The following DLGAP1 variants were observed in gnomAD, a reference collection of about 807,000 sequenced individuals.
The protein encoded by DLGAP1 is DLG associated protein 1.
DLGAP1 carries 11 observed loss-of-function variants against 90.8 expected under a neutral mutation model. That is an observed-to-expected ratio of 0.12 (90% CI 0.08 to 0.20). DLGAP1 has a LOEUF of 0.20. Among genes scored for constraint, DLGAP1 ranks in the 10% least tolerant of loss-of-function variants. DLGAP1 has a pLI of 1.00. For synonymous variants in DLGAP1, 558 were observed against 540.7 expected (o/e 1.03, Z -0.44); for missense variants, 1,050 against 1,333.8 (o/e 0.79, Z 3.31).
At chr18:3,516,141 G>C (rs987205556) in intron 10 of DLGAP1, among the ~76,000 whole-genome samples, 2 of 152,108 alleles carry the variant, frequency 1.3e-5, no homozygotes, top group African/African-American at 4.8e-5. Flanking sequence ...TGCTAATGTT[G>C]ATATTTTGAC....
At chr18:4,086,540 T>A (rs2075683374) in intron 2 of DLGAP1, among the ~76,000 whole-genome samples, 1 of 152,198 alleles carries the variant, frequency 6.6e-6, no homozygotes, top group African/African-American at 2.4e-5. Context: ...ATTTTTAAAT[T>A]CCCATTGTGA....
chr18:3,690,094 G>GTTTTTTTTTTTTTTTTTTTTTTTTTTT (rs77999372), intron 7 of DLGAP1, among the ~76,000 whole-genome samples: 1 of 116,880 alleles, frequency 8.6e-6, no homozygotes, highest in Non-Finnish European at 1.7e-5. Context: ...GCTGGGTGAG[G>GTTTTTTTTTTTTTTTTTTTTTTTTTTT]TTTTTTTTTT....
intron 7 of DLGAP1, among the ~76,000 whole-genome samples, chr18:3,640,109 T>C (rs2058884188): frequency 6.6e-6 from 1 of 152,142 alleles, no homozygotes; most frequent in Admixed American, 6.5e-5. Flanking sequence ...TTATTTTTTT[T>C]CCGTATCCCT....
intron 4 of DLGAP1, among the ~76,000 whole-genome samples, chr18:3,836,300 G>A (rs2068374488): frequency 6.6e-6 from 1 of 151,986 alleles, no homozygotes; most frequent in African/African-American, 2.4e-5. Context: ...GGATCTTACT[G>A]ATTTTATTTA....
At chr18:3,748,680 CA>C (rs2063371885) in intron 5 of DLGAP1, among the ~76,000 whole-genome samples, 1 of 152,144 alleles carries the variant, frequency 6.6e-6, no homozygotes, top group Non-Finnish European at 1.5e-5. Flanking sequence ...ACACTTTTAT[CA>C]AATCATACTC....
At position 3,600,811 on chromosome 18, in the gene DLGAP1, TATATATAG is replaced by T. The variant is rs2056905501; in HGVS notation, c.1592-18571_1592-18564del. Among the ~76,000 whole-genome samples the T allele has an allele frequency of 6.4e-5, 6 of 93,254 alleles. 1 individual carries two copies. Among genetic ancestry groups the T allele is most frequent in the East Asian group, 2.5e-4 (1 of 3,996 alleles). 61.2% of individuals were successfully genotyped at this position (93,254 alleles called of 152,430 possible). A position where few individuals can be genotyped will look rare whatever the true frequency, so the allele number is the denominator to read the frequency against. Reference sequence around the variant, plus strand: ...ATATATAGATATATAGATATATAGATATATATAGATATATAGATATATATAGATATATA... The same window carrying T: ...ATATATAGATATATAGATATATAGATATATATAGATATATATAGATATATA... On this transcript the variant is annotated intron_variant, in intron 7 of 12. Transcript: ENST00000315677.
intron 1 of DLGAP1, among the ~76,000 whole-genome samples, chr18:4,289,622 C>A (rs2079796009): frequency 6.6e-6 from 1 of 152,094 alleles, no homozygotes; most frequent in Non-Finnish European, 1.5e-5. Flanking sequence ...GAGGTATTTC[C>A]TTCAACAGAT....
chr18:3,965,217 T>G (rs1599232636), intron 3 of DLGAP1, among the ~76,000 whole-genome samples: 1 of 152,276 alleles, frequency 6.6e-6, no homozygotes, highest in East Asian at 1.9e-4. Flanking sequence ...ACTGTCAAAA[T>G]GTCAATATGG....
chr18:3,573,395 G>A (rs1197694662), intron 8 of DLGAP1, among the ~76,000 whole-genome samples: 2 of 152,030 alleles, frequency 1.3e-5, no homozygotes, highest in African/African-American at 4.8e-5. Flanking sequence ...CCAGCTACTC[G>A]GGAGACTGAG....
intron 1 of DLGAP1, among the ~76,000 whole-genome samples, chr18:4,331,991 G>A (rs1216066913): frequency 2.6e-5 from 4 of 151,780 alleles, no homozygotes; most frequent in Admixed American, 6.6e-5. Context: ...ACAATTCAAT[G>A]GGGAAGACAG....
At chr18:3,682,124 A>T (rs1250647824) in intron 7 of DLGAP1, among the ~76,000 whole-genome samples, 2 of 117,124 alleles carry the variant, frequency 1.7e-5, no homozygotes, top group Admixed American at 7.6e-5. Context: ...CTCAAAAAAA[A>T]AAAAAATAAA....
chr18:4,092,105 T>C (rs1406369361), intron 2 of DLGAP1, among the ~76,000 whole-genome samples: 1 of 152,164 alleles, frequency 6.6e-6, no homozygotes, highest in Non-Finnish European at 1.5e-5. Context: ...CTCAGTATAT[T>C]ACTAGCTTCA....
chr18:4,433,164 T>C (rs1403164934), intron 1 of DLGAP1, among the ~76,000 whole-genome samples: 1 of 152,220 alleles, frequency 6.6e-6, no homozygotes, highest in Non-Finnish European at 1.5e-5. Flanking sequence ...GACTGAATAC[T>C]AGAAGCCTAT....
chr18:3,726,079 C>T (rs1169606369), intron 7 of DLGAP1, among the ~76,000 whole-genome samples: 1 of 152,052 alleles, frequency 6.6e-6, no homozygotes, highest in Non-Finnish European at 1.5e-5. Context: ...GTGCAGTTGA[C>T]AAAATGAGGA....
At chr18:3,799,183 A>G (rs2066164689) in intron 5 of DLGAP1, among the ~76,000 whole-genome samples, 1 of 152,184 alleles carries the variant, frequency 6.6e-6, no homozygotes, top group Non-Finnish European at 1.5e-5. Context: ...GACCCATTTT[A>G]AAAATGAAAA....
chr18:3,934,327 A>C, intron 3 of DLGAP1, among the ~76,000 whole-genome samples: 1 of 152,254 alleles, frequency 6.6e-6, no homozygotes. Context: ...GGAAAGGAGA[A>C]ACTCTCCAGA....
At chr18:3,600,881 G>GATATATATAGATATATAGATAGATAT (rs2056931862) in intron 7 of DLGAP1, among the ~76,000 whole-genome samples, 1 of 9,928 alleles carries the variant, frequency 1.0e-4, no homozygotes, top group African/African-American at 3.0e-4. Context: ...TAGATATATA[G>GATATATATAGATATATAGATAGATAT]ATAGATATAT....
At chr18:4,143,935 T>A (rs1013511199) in intron 2 of DLGAP1, among the ~76,000 whole-genome samples, 1 of 152,140 alleles carries the variant, frequency 6.6e-6, no homozygotes, top group East Asian at 1.9e-4. Flanking sequence ...TCCTCAGGAC[T>A]CTATCTGGTG....
At chr18:3,757,540 C>T (rs925595933) in intron 5 of DLGAP1, among the ~76,000 whole-genome samples, 1 of 152,116 alleles carries the variant, frequency 6.6e-6, no homozygotes, top group Non-Finnish European at 1.5e-5. Context: ...AAAAGGATTA[C>T]ACATGATGAC....
Sources: gnomAD v4.1 joint callset for allele counts (sites outside exome capture counted in the v4.1 genomes callset) on GRCh38, gnomAD v4.1.1 for gene constraint, MANE v1.5 for transcripts, NCBI Gene and HGNC (gene_info 2026-07-23, HGNC 2026-07-21) for gene names.